Variants in CAMTA1 observed in about 807,000 individuals in gnomAD.
CAMTA1 encodes calmodulin-binding transcription activator 1.
Under a neutral mutation model 170.9 loss-of-function variants are expected in CAMTA1, and 27 were observed. That is an observed-to-expected ratio of 0.16 (90% confidence interval 0.12 to 0.22). The LOEUF is 0.22. CAMTA1 is among the 10% of genes least tolerant of loss of function. The pLI is 1.00. For missense variants in CAMTA1, 1,619 were observed against 2,217.2 expected (o/e 0.73, Z 5.42); for synonymous variants, 833 against 891.5 (o/e 0.93, Z 1.17).
At chr1:7,728,492 A>G (rs538984106) in intron 11 of CAMTA1, among the ~76,000 whole-genome samples, 3 of 152,362 alleles carry the variant, frequency 2.0e-5, no homozygotes, top group African/African-American at 7.2e-5. Flanking sequence ...CTCTGGAACA[A>G]GTGAAATGGA....
rs544130752 is a variant in CAMTA1, at chr1:7,028,185, G to C, written c.235-63119G>C. On this transcript the variant is annotated intron_variant, in intron 3 of 22. Coordinates refer to ENST00000303635, the MANE Select transcript of CAMTA1 (RefSeq NM_015215.4). ...CTCCCAAAGTGCTGGGATTACAGGC[G>C]TGTGCCACTGCCTGAAATATTCTTT... Among the ~76,000 whole-genome samples, 4 of 152,284 alleles carry C rather than the reference G, an allele frequency of 2.6e-5. No individual in the cohort carries two copies. In the South Asian group the frequency reaches 6.2e-4, roughly 24 times the overall value.
intron 5 of CAMTA1, among the ~76,000 whole-genome samples, chr1:7,386,815 C>A (rs1272080960): frequency 6.6e-6 from 1 of 152,180 alleles, no homozygotes; most frequent in Non-Finnish European, 1.5e-5. Context: ...TCCTTCCTCC[C>A]CTCCTAACAC....
intron 4 of CAMTA1, among the ~76,000 whole-genome samples, chr1:7,153,503 T>C (rs1646693988): frequency 6.6e-6 from 1 of 152,046 alleles, no homozygotes; most frequent in African/African-American, 2.4e-5. Flanking sequence ...GTACCTGCAC[T>C]CAGAAGGAGG....
intron 5 of CAMTA1, among the ~76,000 whole-genome samples, chr1:7,382,043 A>C (rs1432372451): frequency 6.6e-6 from 1 of 152,220 alleles, no homozygotes; most frequent in Non-Finnish European, 1.5e-5. Flanking sequence ...CTCATGGCAC[A>C]AAATAGCTGC....
chr1:6,900,378 G>A (rs1313628830), intron 3 of CAMTA1, among the ~76,000 whole-genome samples: 1 of 151,374 alleles, frequency 6.6e-6, no homozygotes, highest in African/African-American at 2.4e-5. Flanking sequence ...TGACAAGAAA[G>A]GGAAGTAAAA....
In CAMTA1 at chr1:7,641,407, C is replaced by T. The variant is rs923053145; in HGVS notation, c.664+854C>T. ...GGCTCACTCAGAAGCAGAACTGTCCCTGGAGCTGGGCTGGAGGGAGGAAGC... is the reference window on the plus strand; with the variant it reads ...GGCTCACTCAGAAGCAGAACTGTCCTTGGAGCTGGGCTGGAGGGAGGAAGC... On this transcript the variant is annotated intron_variant, in intron 7 of 22. Transcript: ENST00000303635. This position sits in a 1 kb window ranked among gnomAD's most constrained non-coding sequence, Gnocchi z 4.5. 2.6e-5 allele frequency among the ~76,000 whole-genome samples: 4 copies of T among 152,198 alleles called. No homozygotes were observed. Among genetic ancestry groups the T allele is most frequent in the Non-Finnish European group, 5.9e-5 (4 of 68,034 alleles).
chr1:6,928,029 A>T lies in CAMTA1; in HGVS notation c.234+102819A>T, dbSNP rs563503046. On this transcript the variant is annotated intron_variant, in intron 3 of 22. Transcript: ENST00000303635. ...CTCAGGACAGGAGGGGCCAGGCTCC[A>T]CTCTCTCCGCTCCCCTGCATCCTGT... Among the ~76,000 whole-genome samples, 23 of 151,402 alleles carry T rather than the reference A, an allele frequency of 1.5e-4. No homozygotes were observed. In the East Asian group the frequency reaches 4.5e-3, roughly 30 times the overall value.
chr1:7,332,294 T>C (rs994759933), intron 5 of CAMTA1, among the ~76,000 whole-genome samples: 2 of 152,162 alleles, frequency 1.3e-5, no homozygotes, highest in African/African-American at 4.8e-5. Context: ...CAGAATGTCA[T>C]CCAGGAGGCT....
chr1:6,841,211 AC>A (rs1477563868), intron 3 of CAMTA1, among the ~76,000 whole-genome samples: 5 of 152,120 alleles, frequency 3.3e-5, no homozygotes, highest in African/African-American at 7.2e-5. Flanking sequence ...CCTTTTAATT[AC>A]GCCGAGTCCA....
intron 3 of CAMTA1, among the ~76,000 whole-genome samples, chr1:6,964,625 C>T (rs1430108320): frequency 1.3e-5 from 2 of 152,208 alleles, no homozygotes; most frequent in East Asian, 3.8e-4. Flanking sequence ...TCTCTTGCCC[C>T]CACAGGCTAA....
chr1:7,554,498 T>C (rs1206259233), intron 6 of CAMTA1, among the ~76,000 whole-genome samples: 1 of 152,192 alleles, frequency 6.6e-6, no homozygotes, highest in Non-Finnish European at 1.5e-5. Flanking sequence ...CCAAATGCAG[T>C]CTCAGAATCC....
intron 4 of CAMTA1, among the ~76,000 whole-genome samples, chr1:7,130,225 C>T (rs1331746608): frequency 6.6e-6 from 1 of 152,200 alleles, no homozygotes; most frequent in African/African-American, 2.4e-5. Context: ...AGGTGTGAGG[C>T]ACCATGCCCA....
intron 6 of CAMTA1, among the ~76,000 whole-genome samples, chr1:7,536,771 G>T (rs950214727): frequency 2.0e-5 from 3 of 152,192 alleles, no homozygotes; most frequent in Non-Finnish European, 4.4e-5. Flanking sequence ...CCTTCCCTCT[G>T]CTCCACCCGC....
At chr1:7,506,238 A>C (rs932429552) in intron 6 of CAMTA1, among the ~76,000 whole-genome samples, 2 of 152,132 alleles carry the variant, frequency 1.3e-5, no homozygotes, top group South Asian at 2.1e-4. Context: ...GGTGTGGCAA[A>C]GGAGAGCAGG....
intron 2 of CAMTA1, among the ~76,000 whole-genome samples, chr1:6,824,096 G>A (rs1646838147): frequency 6.6e-6 from 1 of 152,156 alleles, no homozygotes; most frequent in Admixed American, 6.5e-5. Flanking sequence ...TGTTTCAACT[G>A]TGACTTACTG....
rs775547120 is a variant in CAMTA1 at position 7,738,306 on chromosome 1, A to G, written c.4006A>G (p.Thr1336Ala). 5 of 1,614,196 alleles carry G rather than the reference A, an allele frequency of 3.1e-6. No homozygotes were observed. The highest frequency in any genetic ancestry group is 3.4e-6 in the Non-Finnish European group (4 of 1,180,042). Residue 1336 changes from threonine (T) to alanine (A), a missense_variant, in exon 16 of 23, where the codon ACT (threonine) becomes GCT (alanine). Thr to Ala is a moderately conservative substitution (Grantham distance 58). Around this residue, in one of 8 missense-constraint regions of CAMTA1, gnomAD observed 370 missense variants for 429.4 expected, o/e 0.86. Coordinates refer to ENST00000303635, the MANE Select transcript of CAMTA1 (RefSeq NM_015215.4). The surrounding 1 kb of genome is among the most constrained non-coding windows in gnomAD (Gnocchi z 4.9). ...CATTGGTGTGTCTACAGTACAGGTG[A>G]CTGGAAATCCGAAGGGGACCAGTGT... ...LYIGVSTVQV[T>A]GNPKGTSVGK...
At chr1:7,088,325 C>T (rs184062097) in intron 3 of CAMTA1, among the ~76,000 whole-genome samples, 232 of 152,216 alleles carry the variant, frequency 1.5e-3, no homozygotes, top group African/African-American at 5.1e-3. Context: ...TTCCTGGGAC[C>T]TCTGCTTGCT....
chr1:7,393,441 T>G (rs1003449214), intron 5 of CAMTA1, among the ~76,000 whole-genome samples: 1 of 152,096 alleles, frequency 6.6e-6, no homozygotes, highest in African/African-American at 2.4e-5. Flanking sequence ...AATTTTTTAT[T>G]TATTTTTTCT....
At chr1:6,938,368 G>A (rs1270756648) in intron 3 of CAMTA1, among the ~76,000 whole-genome samples, 2 of 152,166 alleles carry the variant, frequency 1.3e-5, no homozygotes, top group Non-Finnish European at 2.9e-5. Context: ...GGATGGAGGA[G>A]GCGCTGCAGA....
Sources: allele counts gnomAD v4.1 joint callset (sites outside exome capture counted in the v4.1 genomes callset), GRCh38; gene constraint gnomAD v4.1.1; regional missense constraint gnomAD v4.1.1; non-coding constraint Gnocchi (gnomAD v3.1); transcripts MANE v1.5; gene names NCBI Gene and HGNC (gene_info 2026-07-23, HGNC 2026-07-21).